TIAM1: variants seen among roughly 807,000 people sequenced by gnomAD.
The protein encoded by TIAM1 is rho guanine nucleotide exchange factor TIAM1.
TIAM1 carries 65 observed loss-of-function variants against 163.5 expected under a neutral mutation model. The ratio of observed to expected loss-of-function variants is 0.40; its 90% CI spans 0.33 to 0.49. TIAM1 has a LOEUF of 0.49. Ranked by LOEUF, TIAM1 falls within the 20% of genes least tolerant of loss-of-function variation. TIAM1 has a pLI of 0.77. For synonymous variants in TIAM1, 833 were observed against 810.1 expected, an observed-to-expected ratio of 1.03 and a Z score of -0.48; for missense variants, 1,789 against 2,044.7, an observed-to-expected ratio of 0.87 and a Z score of 2.41.
chr21:31,157,832 T>G (rs2083699678), intron 16 of TIAM1, among the ~76,000 whole-genome samples: 1 of 152,196 alleles, frequency 6.6e-6, no homozygotes. Flanking sequence ...AAACGTTATC[T>G]GAGGAACTGC....
chr21:31,466,535 C>T (rs986694808), intron 1 of TIAM1, among the ~76,000 whole-genome samples: 5 of 152,100 alleles, frequency 3.3e-5, no homozygotes, highest in African/African-American at 4.8e-5. Context: ...TCAGAGAAGC[C>T]GGATTCAAGT....
intron 1 of TIAM1, among the ~76,000 whole-genome samples, chr21:31,532,217 G>A (rs547624188): frequency 6.6e-6 from 1 of 152,168 alleles, no homozygotes; most frequent in Non-Finnish European, 1.5e-5. Flanking sequence ...TGCTATCTCT[G>A]GCTGTGGAGT....
intron 27 of TIAM1, among the ~76,000 whole-genome samples, chr21:31,121,743 C>A (rs989990343): frequency 6.6e-6 from 1 of 152,210 alleles, no homozygotes; most frequent in Non-Finnish European, 1.5e-5. Context: ...AAAATTCATT[C>A]TTTCACCTAC....
In TIAM1 at chr21:31,529,800, C is replaced by T. The variant is rs115512021; in HGVS notation, c.-422+29127G>A. On this transcript the variant is annotated intron_variant, in intron 1 of 28. Coordinates refer to the TIAM1 transcript ENST00000286827. The stretch of plus-strand genomic sequence containing the variant: ...TCTCCTAACTCCAGAGAAAATTCAC[C>T]TCATGCCCCCTTCCTCTCGAGGGAA... Among the ~76,000 whole-genome samples the T allele has an allele frequency of 7.0e-4, 107 of 152,216 alleles. 2 individuals are homozygous for T. Among genetic ancestry groups the T allele is most frequent in the African/African-American group, 2.5e-3 (104 of 41,540 alleles).
Position 31,228,236 on chromosome 21 carries a change from A to G in TIAM1, c.1585-2286T>C, listed in dbSNP as rs1569068744. ...TCCTTTTTTTAAAAAAAAAAAAAAA[A>G]AAAAAAAAAAAAAAAAAAAAAAAGG... On this transcript the variant is annotated intron_variant, in intron 6 of 27. Coordinates refer to ENST00000541036, the MANE Select transcript of TIAM1 (RefSeq NM_001353694.2). 2.5e-3 allele frequency among the ~76,000 whole-genome samples: 114 copies of G among 45,968 alleles called. 1 individual carries two copies. Among genetic ancestry groups the G allele is most frequent in the African/African-American group, 4.7e-3 (110 of 23,248 alleles). 30.2% of individuals were successfully genotyped at this position (45,968 alleles called of 152,430 possible).
At chr21:31,538,073 T>G (rs2048196261) in intron 1 of TIAM1, among the ~76,000 whole-genome samples, 1 of 152,228 alleles carries the variant, frequency 6.6e-6, no homozygotes, top group African/African-American at 2.4e-5. Flanking sequence ...GGATTGGGGT[T>G]GCCCTGAAGG....
intron 1 of TIAM1, among the ~76,000 whole-genome samples, chr21:31,552,920 A>C (rs971233947): frequency 6.6e-6 from 1 of 152,230 alleles, no homozygotes; most frequent in African/African-American, 2.4e-5. Context: ...CTGGAATCCA[A>C]AGAAAATTTC....
At chr21:31,492,055 A>G (rs2046486336) in intron 1 of TIAM1, among the ~76,000 whole-genome samples, 1 of 152,032 alleles carries the variant, frequency 6.6e-6, no homozygotes, top group Non-Finnish European at 1.5e-5. Context: ...GTGTGTATAT[A>G]TATATGTGAT....
intron 2 of TIAM1, among the ~76,000 whole-genome samples, chr21:31,309,647 A>G (rs1241383571): frequency 6.6e-6 from 1 of 152,064 alleles, no homozygotes; most frequent in Non-Finnish European, 1.5e-5. Flanking sequence ...ATGCTTCACA[A>G]ATGAAAAAAA....
intron 1 of TIAM1, among the ~76,000 whole-genome samples, chr21:31,342,792 A>C (rs1014789144): frequency 2.0e-5 from 3 of 152,078 alleles, no homozygotes; most frequent in African/African-American, 7.2e-5. Context: ...GTTCTTCCCT[A>C]AGCCATGTCT....
At chr21:31,388,919 C>T (rs576047653) in intron 2 of TIAM1, among the ~76,000 whole-genome samples, 162 of 152,204 alleles carry the variant, frequency 1.1e-3, no homozygotes, top group Non-Finnish European at 1.9e-3. Context: ...CCACGGGCTG[C>T]CAGCAGCAAG....
chr21:31,540,634 C>G (rs978508494), intron 1 of TIAM1, among the ~76,000 whole-genome samples: 6 of 152,190 alleles, frequency 3.9e-5, no homozygotes, highest in Non-Finnish European at 8.8e-5. Context: ...TTCATAAAAT[C>G]AAAGACTCAA....
At position 31,416,516 on chromosome 21, in the gene TIAM1, C is replaced by A. The variant is rs1014803793; in HGVS notation, c.-369+47467G>T. ...AGTCCCCAGAATCCATTATATCACT[C>A]TTATGCCTTTGCATCCTCATAGCCT... On this transcript the variant is annotated intron_variant, in intron 2 of 28. Coordinates refer to the TIAM1 transcript ENST00000286827. 2.6e-5 allele frequency among the ~76,000 whole-genome samples: 4 copies of A among 152,142 alleles called. No individual in the cohort carries two copies. The East Asian group carries it at 7.7e-4, about 29-fold the overall frequency.
chr21:31,310,382 C>T (rs2074879616), intron 2 of TIAM1, among the ~76,000 whole-genome samples: 1 of 152,168 alleles, frequency 6.6e-6, no homozygotes, highest in African/African-American at 2.4e-5. Context: ...CACAGCCAGC[C>T]AGCTTTGGCC....
chr21:31,248,502 T>C (rs2071625316), intron 5 of TIAM1, among the ~76,000 whole-genome samples: 1 of 152,226 alleles, frequency 6.6e-6, no homozygotes, highest in Non-Finnish European at 1.5e-5. Context: ...GAACATAATC[T>C]GTACGTTCTT....
intron 2 of TIAM1, among the ~76,000 whole-genome samples, chr21:31,406,593 A>G (rs1602203149): frequency 6.6e-6 from 1 of 152,212 alleles, no homozygotes; most frequent in East Asian, 1.9e-4. Flanking sequence ...AAACTCTACG[A>G]ATGCAAGATA....
At chr21:31,457,782 T>C (rs894424844) in intron 2 of TIAM1, among the ~76,000 whole-genome samples, 14 of 152,176 alleles carry the variant, frequency 9.2e-5, no homozygotes, top group African/African-American at 3.4e-4. Flanking sequence ...ACCAGGGTAA[T>C]CTTGTGTCCC....
chr21:31,255,042 C>T (rs2072019806), intron 4 of TIAM1, among the ~76,000 whole-genome samples: 1 of 152,082 alleles, frequency 6.6e-6, no homozygotes, highest in African/African-American at 2.4e-5. Context: ...TGAACATCTG[C>T]TCATGCCAAC....
At chr21:31,279,968 G>A (rs183453725) in intron 2 of TIAM1, among the ~76,000 whole-genome samples, 1 of 152,138 alleles carries the variant, frequency 6.6e-6, no homozygotes, top group Admixed American at 6.5e-5. Context: ...AGATGCATGC[G>A]GTCTACTCAA....
Sources: allele counts gnomAD v4.1 joint callset (sites outside exome capture counted in the v4.1 genomes callset), GRCh38; gene constraint gnomAD v4.1.1; transcripts MANE v1.5; gene names NCBI Gene and HGNC (gene_info 2026-07-23, HGNC 2026-07-21).